Variants in FBLN1 observed in about 807,000 individuals in gnomAD.
The protein encoded by FBLN1 is fibulin-1.
FBLN1 carries 34 observed loss-of-function variants against 89.7 expected under a neutral mutation model. The observed-to-expected ratio is 0.38, with a 90% CI of 0.29 to 0.50. The LOEUF (loss-of-function observed/expected upper bound fraction) is 0.50. Among genes scored for constraint, FBLN1 ranks in the 20% least tolerant of loss-of-function variants. FBLN1 has a pLI of 0.92. For missense variants in FBLN1, 777 were observed against 988.1 expected (o/e 0.79, Z 2.86); for synonymous variants, 393 against 391.3 (o/e 1.00, Z -0.05).
At chr22:45,508,184 C>T (rs2088049275) in intron 1 of FBLN1, among the ~76,000 whole-genome samples, 1 of 152,152 alleles carries the variant, frequency 6.6e-6, no homozygotes, top group African/African-American at 2.4e-5. Flanking sequence ...GGTAGCAAGA[C>T]TGTGGGTGCA....
chr22:45,586,438 G>C (rs1449055981), intron 16 of FBLN1, among the ~76,000 whole-genome samples: 2 of 152,222 alleles, frequency 1.3e-5, no homozygotes, highest in Non-Finnish European at 2.9e-5. Context: ...AGACAATGCA[G>C]CCAGAGAGGT....
Position 45,543,394 on chromosome 22 carries a change from C to A in FBLN1, c.1196-7C>A. ...TTGCCCTGAGTCAGCCCACCCCTCA[C>A]TTTCAGATGTCAACGAGTGCCAGCG... On this transcript the variant is annotated splice_region_variant and splice_polypyrimidine_tract_variant and intron_variant, in intron 10 of 16. Coordinates refer to ENST00000327858, the MANE Select transcript of FBLN1 (RefSeq NM_006486.3). 1 of 1,611,894 alleles carries A rather than the reference C, an allele frequency of 6.2e-7. No individual in the cohort carries two copies. The highest frequency in any genetic ancestry group is 8.5e-7 in the Non-Finnish European group (1 of 1,179,958).
At position 45,577,130 on chromosome 22, in the gene FBLN1, C is replaced by T. The variant is rs749016143; in HGVS notation, c.1972+22C>T. 2 of 1,613,308 alleles carry T rather than the reference C, an allele frequency of 1.2e-6. No individual in the cohort carries two copies. The highest frequency in any genetic ancestry group is 1.7e-6 in the Non-Finnish European group (2 of 1,179,842). ...GTGGGTGAGTGGCTGGGAATATCAGCTCTATCCAGGCACCCCTCCCCCTCC... is the reference window on the plus strand; with the variant it reads ...GTGGGTGAGTGGCTGGGAATATCAGTTCTATCCAGGCACCCCTCCCCCTCC... On this transcript the variant is annotated intron_variant, in intron 16 of 16. Transcript: ENST00000327858. This position sits in a 1 kb window ranked among gnomAD's most constrained non-coding sequence, Gnocchi z 6.6.
intron 11 of FBLN1, 137 bp from the exon 12 acceptor site, chr22:45,546,948 C>G (rs1373051082): frequency 7.2e-7 from 1 of 1,388,324 alleles, no homozygotes; most frequent in Non-Finnish European, 1.0e-6. Flanking sequence ...CGGCCACACC[C>G]CCCGGGACCT....
chr22:45,508,315 T>G, intron 1 of FBLN1, among the ~76,000 whole-genome samples: 1 of 110,236 alleles, frequency 9.1e-6, no homozygotes, highest in Non-Finnish European at 1.9e-5. Flanking sequence ...TCTTGCACTG[T>G]CTGGGGTGTG....
intron 4 of FBLN1, among the ~76,000 whole-genome samples, chr22:45,529,229 G>A (rs1056184973): frequency 6.6e-5 from 10 of 152,356 alleles, no homozygotes; most frequent in Middle Eastern, 3.4e-3. Flanking sequence ...ATGTATGGGC[G>A]AGCAGCTGGG....
chr22:45,519,556 G>A (rs901495273), intron 2 of FBLN1, among the ~76,000 whole-genome samples: 17 of 151,494 alleles, frequency 1.1e-4, no homozygotes, highest in African/African-American at 2.2e-4. Context: ...CCTGGGAGGC[G>A]GAGGCTGCAG....
At chr22:45,599,780 G>C (rs2089215677) in intron 16 of FBLN1, among the ~76,000 whole-genome samples, 1 of 152,160 alleles carries the variant, frequency 6.6e-6, no homozygotes, top group Non-Finnish European at 1.5e-5. Context: ...AGCCAGGCAT[G>C]GTGGCACATG....
chr22:45,596,449 C>G (rs1439672756), intron 16 of FBLN1, among the ~76,000 whole-genome samples: 5 of 152,162 alleles, frequency 3.3e-5, no homozygotes, highest in African/African-American at 1.2e-4. Flanking sequence ...GTAGCATGCG[C>G]AGACCCTCTG....
In FBLN1 at chr22:45,581,578, G is replaced by A. The variant is rs984203660; in HGVS notation, c.1972+4470G>A. On this transcript the variant is annotated intron_variant, in intron 16 of 16. Coordinates refer to ENST00000327858, the MANE Select transcript of FBLN1 (RefSeq NM_006486.3). The surrounding 1 kb of genome is among the most constrained non-coding windows in gnomAD (Gnocchi z 7.6). Reference sequence around the variant, plus strand: ...CAGGTGAAGTAATTCTTTGGCCTACGGACGAATTTTGCATGTGGACCTCCT... The same window carrying A: ...CAGGTGAAGTAATTCTTTGGCCTACAGACGAATTTTGCATGTGGACCTCCT... Among the ~76,000 whole-genome samples the A allele has an allele frequency of 7.2e-5, 11 of 152,142 alleles. No homozygotes were observed. The highest frequency in any genetic ancestry group is 4.2e-4 in the South Asian group (2 of 4,818).
chr22:45,569,946 G>A (rs1435577232), intron 14 of FBLN1, among the ~76,000 whole-genome samples: 2 of 152,128 alleles, frequency 1.3e-5, no homozygotes, highest in Non-Finnish European at 2.9e-5. Flanking sequence ...GGTAATGAAA[G>A]CACACCAGAA....
At chr22:45,507,289 C>G (rs1266418735) in intron 1 of FBLN1, among the ~76,000 whole-genome samples, 2 of 152,304 alleles carry the variant, frequency 1.3e-5, no homozygotes, top group African/African-American at 2.4e-5. Context: ...GGTTACTACA[C>G]TGTGCGGAGC....
intron 16 of FBLN1, among the ~76,000 whole-genome samples, chr22:45,593,781 AT>A (rs1162069734): frequency 6.6e-6 from 1 of 152,044 alleles, no homozygotes; most frequent in Non-Finnish European, 1.5e-5. Flanking sequence ...TCAGGGACTG[AT>A]TTTCCTTCTT....
rs944179195 is a variant in FBLN1, at chr22:45,578,964, G to A, written c.1972+1856G>A. Among the ~76,000 whole-genome samples the A allele has an allele frequency of 4.6e-5, 7 of 152,246 alleles. No homozygotes were observed. Among genetic ancestry groups the A allele is most frequent in the Admixed American group, 3.9e-4 (6 of 15,284 alleles). On this transcript the variant is annotated intron_variant, in intron 16 of 16. Coordinates refer to ENST00000327858, the MANE Select transcript of FBLN1 (RefSeq NM_006486.3). The surrounding 1 kb of genome is among the most constrained non-coding windows in gnomAD (Gnocchi z 4.6). ...AGCAGGGAGAAGCCACCCCGTATCA[G>A]ATCATCAAAATATGATGCCGAAATA...
In FBLN1 at chr22:45,549,742, C is replaced by T. The variant is rs947213590; in HGVS notation, c.1574-750C>T. ...GATGTCTCCCAGGGTTGGTGACAGC[C>T]CCTGAGCCCCACTGTTTGGCTGCTC... On this transcript the variant is annotated intron_variant, in intron 13 of 16. Transcript: ENST00000327858. The surrounding 1 kb of genome is among the most constrained non-coding windows in gnomAD (Gnocchi z 5.7). Among the ~76,000 whole-genome samples, 1 of 152,248 alleles carries T rather than the reference C, an allele frequency of 6.6e-6. No homozygotes were observed. Among genetic ancestry groups the T allele is most frequent in the Admixed American group, 6.5e-5 (1 of 15,296 alleles).
chr22:45,535,101 A>C, intron 7 of FBLN1, 99 bp from the exon 8 acceptor site: 62 of 1,242,912 alleles, frequency 5.0e-5, no homozygotes, highest in Non-Finnish European at 6.5e-5. Flanking sequence ...TAGTCTGAGT[A>C]ATGCGCATTA....
intron 14 of FBLN1, among the ~76,000 whole-genome samples, chr22:45,571,768 A>G (rs1569261452): frequency 6.6e-6 from 1 of 152,198 alleles, no homozygotes; most frequent in Non-Finnish European, 1.5e-5. Flanking sequence ...GCCTAGAAAC[A>G]ATGACCAACC....
chr22:45,509,687 C>G (rs1411652737), intron 1 of FBLN1, among the ~76,000 whole-genome samples: 1 of 152,090 alleles, frequency 6.6e-6, no homozygotes, highest in Non-Finnish European at 1.5e-5. Flanking sequence ...TGGTAGGCGC[C>G]TGTAATCCCA....
In FBLN1 at chr22:45,575,009, C is replaced by G. The variant is rs2088983930; in HGVS notation, c.1840+356C>G. ...GTGTTCGCCAGGATGGTCTCAATCT[C>G]CTGACCTCATGATCCACCCGCCTCA... On this transcript the variant is annotated intron_variant, in intron 15 of 16. Coordinates refer to ENST00000327858, the MANE Select transcript of FBLN1 (RefSeq NM_006486.3). This position sits in a 1 kb window ranked among gnomAD's most constrained non-coding sequence, Gnocchi z 6.3. Among the ~76,000 whole-genome samples the G allele has an allele frequency of 6.6e-6, 1 of 152,036 alleles. No homozygotes were observed. The highest frequency in any genetic ancestry group is 1.5e-5 in the Non-Finnish European group (1 of 67,992).
Sources: gnomAD v4.1 joint callset for allele counts (sites outside exome capture counted in the v4.1 genomes callset) on GRCh38, gnomAD v4.1.1 for gene constraint, Gnocchi (gnomAD v3.1) non-coding constraint, MANE v1.5 for transcripts, NCBI Gene and HGNC (gene_info 2026-07-23, HGNC 2026-07-21) for gene names.